SLC15A4: variants seen among roughly 807,000 people sequenced by gnomAD.
The protein encoded by SLC15A4 is hPHT1.
SLC15A4 carries 26 observed loss-of-function variants against 46.1 expected under a neutral mutation model. The ratio of observed to expected loss-of-function variants is 0.56; its 90% CI spans 0.41 to 0.78. The LOEUF (loss-of-function observed/expected upper bound fraction) is 0.78. SLC15A4 is among the 30% of genes least tolerant of loss of function. SLC15A4 has a pLI of 0.00. For missense variants in SLC15A4, 751 were observed against 755.7 expected, an observed-to-expected ratio of 0.99 and a Z score of 0.07; for synonymous variants, 370 against 333.4, an observed-to-expected ratio of 1.11 and a Z score of -1.20.
chr12:128,823,572 G>T lies in SLC15A4; in HGVS notation c.372C>A (p.Ala124=). ...AGAGCGCGGCTCGCGTGGCGGGCGCGGCCAGCAGCGGGAAGGCCAGCATGC... is the reference window on the plus strand; with the variant it reads ...AGAGCGCGGCTCGCGTGGCGGGCGCTGCCAGCAGCGGGAAGGCCAGCATGC... ...LLGMLAFPLL[A]APATRAALCG... Residue 124 remains alanine, a synonymous_variant, in exon 1 of 8, where the codon GCC becomes GCA. Transcript: ENST00000266771. 6.9e-7 allele frequency: 1 copy of T among 1,442,152 alleles called. No individual in the cohort carries two copies. The highest frequency in any genetic ancestry group is 9.0e-7 in the Non-Finnish European group (1 of 1,105,414). The allele number at this position is 1,442,152 out of a possible 1,614,324, so 89.3% of individuals were successfully genotyped here.
At chr12:128,817,192 G>C (rs1012186130) in intron 1 of SLC15A4, among the ~76,000 whole-genome samples, 2 of 152,200 alleles carry the variant, frequency 1.3e-5, no homozygotes, top group African/African-American at 4.8e-5. Context: ...ACCAAATGCA[G>C]ACATCTCTAC....
chr12:128,799,126 G>T, intron 7 of SLC15A4, 133 bp downstream of exon 7: 1 of 899,158 alleles, frequency 1.1e-6, no homozygotes. Flanking sequence ...CAGTGCTGTG[G>T]AAGGAGCGGT....
chr12:128,820,955 T>A (rs1436532981), intron 1 of SLC15A4, among the ~76,000 whole-genome samples: 1 of 152,178 alleles, frequency 6.6e-6, no homozygotes, highest in Admixed American at 6.5e-5. Flanking sequence ...AAGAAAGGCT[T>A]GGGGCTGTCA....
intron 2 of SLC15A4, chr12:128,813,816 T>G (rs758952624): frequency 6.6e-6 from 1 of 152,264 alleles, no homozygotes; most frequent in Admixed American, 6.5e-5. Context: ...ATGGAAATAA[T>G]CTATGCCTTG....
intron 1 of SLC15A4, 75 bp downstream of exon 1, chr12:128,823,323 C>G: frequency 7.7e-7 from 1 of 1,291,306 alleles, no homozygotes; most frequent in Non-Finnish European, 9.9e-7. Context: ...GAGGCAGGGA[C>G]TGGGGCAGGG....
Position 128,823,449 on chromosome 12 carries a change from G to T in SLC15A4, c.495C>A (p.Gly165=). ...TGGCCTTGACGGTGGCCACGCCCAG[G>T]CCCACCAGCACCAGCCCCGCGAAGG... ...PATFAGLVLV[G]LGVATVKANI... The change falls in exon 1 of 8, where the codon GGC becomes GGA. Residue 165 remains glycine (G), a synonymous_variant. Transcript: ENST00000266771. 6.8e-7 allele frequency: 1 copy of T among 1,473,514 alleles called. No individual in the cohort carries two copies. 91.3% of individuals were successfully genotyped at this position (1,473,514 alleles called of 1,614,324 possible). A position where few individuals can be genotyped will look rare whatever the true frequency, so the allele number is the denominator to read the frequency against.
In SLC15A4 at chr12:128,823,499, C is replaced by T. The variant is rs1046106551; in HGVS notation, c.445G>A (p.Ala149Thr). The T allele has an allele frequency of 6.7e-7, 1 of 1,483,822 alleles. No homozygotes were observed. The highest frequency in any genetic ancestry group is 8.9e-7 in the Non-Finnish European group (1 of 1,124,126). The allele number at this position is 1,483,822 out of a possible 1,614,324, so 91.9% of individuals were successfully genotyped here. A position where few individuals can be genotyped will look rare whatever the true frequency, so the allele number is the denominator to read the frequency against. ...GTGGCCGGTGAGCAGCAGCGGGCGG[C>T]GGCGTCGGGACCAGGCGCCGTGCAG... ...LNCTAPGPDA[A>T]ARCCSPATFA... Residue 149 changes from alanine to threonine, a missense_variant, in exon 1 of 8, where the codon GCC becomes ACC. Coordinates refer to ENST00000266771, the MANE Select transcript of SLC15A4 (RefSeq NM_145648.4).
chr12:128,819,068 C>T (rs77495187), intron 1 of SLC15A4, among the ~76,000 whole-genome samples: 2,436 of 152,210 alleles, frequency 0.016, 73 homozygotes, highest in African/African-American at 0.054. Flanking sequence ...AAATGCACAC[C>T]TCTCTACCCT....
chr12:128,823,592 G>A lies in SLC15A4; in HGVS notation c.352C>T (p.Leu118=). 2 of 1,454,570 alleles carry A rather than the reference G, an allele frequency of 1.4e-6. No homozygotes were observed. The highest frequency in any genetic ancestry group is 1.8e-6 in the Non-Finnish European group (2 of 1,110,232). 90.1% of individuals were successfully genotyped at this position (1,454,570 alleles called of 1,614,324 possible). ...GGCGCGGCCAGCAGCGGGAAGGCCA[G>A]CATGCCCAGCAGGTAGAGCGCCAGG... ...LSLALYLLGM[L]AFPLLAAPAT... The change falls in exon 1 of 8, where the codon CTG becomes TTG. Residue 118 remains leucine, a synonymous_variant. Coordinates refer to ENST00000266771, the MANE Select transcript of SLC15A4 (RefSeq NM_145648.4).
In SLC15A4 at chr12:128,800,942, G is replaced by A. The variant is rs769191091; in HGVS notation, c.1326C>T (p.Val442=). ...EKTINQTIGN[V]VYHAADLSLW... ...GCGACAGATCGGCAGCATGGTAGACGACGTTGCCGATGGTCTGATTAATGG... is the reference window on the plus strand; with the variant it reads ...GCGACAGATCGGCAGCATGGTAGACAACGTTGCCGATGGTCTGATTAATGG... The change falls in exon 6 of 8, where the codon GTC becomes GTT. Residue 442 remains valine, a synonymous_variant. Transcript: ENST00000266771. 10 of 1,613,986 alleles carry A rather than the reference G, an allele frequency of 6.2e-6. No individual in the cohort carries two copies. The highest frequency in any genetic ancestry group is 1.3e-5 in the African/African-American group (1 of 74,940).
chr12:128,810,465 G>A, intron 2 of SLC15A4: 3 of 265,490 alleles, frequency 1.1e-5, no homozygotes, highest in East Asian at 1.0e-4. Context: ...GCAGCTCTAC[G>A]TGACACTGGG....
chr12:128,823,266 G>T (rs1678645030), intron 1 of SLC15A4, 132 bp downstream of exon 1: 1 of 862,286 alleles, frequency 1.2e-6, no homozygotes, highest in Non-Finnish European at 1.6e-6. Flanking sequence ...GGGATTCCTC[G>T]GCACTAGACA....
chr12:128,799,899 T>C (rs920077600), intron 6 of SLC15A4, among the ~76,000 whole-genome samples: 30 of 152,306 alleles, frequency 2.0e-4, no homozygotes, highest in African/African-American at 6.5e-4. Context: ...TGGAGTGCAA[T>C]GGCAGGATCT....
chr12:128,795,325 C>A (rs779995589), intron 7 of SLC15A4, among the ~76,000 whole-genome samples: 12 of 152,138 alleles, frequency 7.9e-5, no homozygotes, highest in Non-Finnish European at 1.8e-4. Flanking sequence ...TACTTTAATA[C>A]AAAGAGTTAG....
intron 2 of SLC15A4, chr12:128,813,193 T>TA (rs1955687116): frequency 6.8e-6 from 1 of 147,798 alleles, no homozygotes; most frequent in African/African-American, 2.4e-5. Context: ...ATATTTTTTT[T>TA]TTTTTTTTTT....
At chr12:128,811,948 C>T (rs570300777) in intron 2 of SLC15A4, among the ~76,000 whole-genome samples, 3 of 152,306 alleles carry the variant, frequency 2.0e-5, no homozygotes, top group Non-Finnish European at 4.4e-5. Context: ...AAGTGACACC[C>T]GAACACCCAC....
intron 6 of SLC15A4, 128 bp from the exon 7 acceptor site, chr12:128,799,545 A>T (rs538394591): frequency 2.8e-5 from 26 of 931,930 alleles, no homozygotes; most frequent in African/African-American, 2.1e-4. Flanking sequence ...GACAGGCACA[A>T]CCTCTTTTCT....
chr12:128,798,182 G>A (rs1472742679), intron 7 of SLC15A4, among the ~76,000 whole-genome samples: 1 of 152,206 alleles, frequency 6.6e-6, no homozygotes, highest in East Asian at 1.9e-4. Flanking sequence ...CAGAATCTTC[G>A]TCTTCAGAAC....
intron 7 of SLC15A4, among the ~76,000 whole-genome samples, chr12:128,796,416 T>G (rs2135702510): frequency 1.0e-5 from 1 of 100,460 alleles, no homozygotes; most frequent in South Asian, 3.7e-4. Context: ...GCAACAAACG[T>G]GAAACTCCAT....
Sources: allele counts gnomAD v4.1 joint callset (sites outside exome capture counted in the v4.1 genomes callset), GRCh38; gene constraint gnomAD v4.1.1; transcripts MANE v1.5; gene names NCBI Gene and HGNC (gene_info 2026-07-23, HGNC 2026-07-21).